Variants in SBNO1 observed in about 807,000 individuals in gnomAD.
SBNO1 encodes strawberry notch homolog 1.
In SBNO1, 23 loss-of-function variants were observed where a neutral mutation model predicts 173.6. That is an observed-to-expected ratio of 0.13 (90% CI 0.10 to 0.19). SBNO1 has a LOEUF of 0.19. Ranked by LOEUF, SBNO1 falls within the 10% of genes least tolerant of loss-of-function variation. The pLI, the probability that SBNO1 is intolerant of heterozygous loss-of-function variation, is 1.00. For synonymous variants in SBNO1, 632 were observed against 571.5 expected, an observed-to-expected ratio of 1.11 and a Z score of -1.51; for missense variants, 1,238 against 1,671.2, an observed-to-expected ratio of 0.74 and a Z score of 4.52.
intron 3 of SBNO1, among the ~76,000 whole-genome samples, chr12:123,346,532 C>T (rs369655603): frequency 1.3e-3 from 195 of 152,150 alleles, no homozygotes; most frequent in African/African-American, 4.2e-3. Flanking sequence ...GGCGTGGTGG[C>T]GGATGCCTAT....
intron 4 of SBNO1, 97 bp from the exon 5 acceptor site, chr12:123,341,185 C>T: frequency 1.5e-6 from 1 of 678,942 alleles, no homozygotes; most frequent in South Asian, 2.0e-5. Context: ...TGCGGTGGCT[C>T]ACACCTGTAA....
At chr12:123,315,945 AG>A (rs1289337310) in intron 21 of SBNO1, among the ~76,000 whole-genome samples, 1 of 152,198 alleles carries the variant, frequency 6.6e-6, no homozygotes, top group Non-Finnish European at 1.5e-5. Flanking sequence ...ATGAAGATGG[AG>A]GGAGGAGCTA....
chr12:123,346,227 G>A (rs890400045), intron 3 of SBNO1, among the ~76,000 whole-genome samples: 3 of 152,116 alleles, frequency 2.0e-5, no homozygotes, highest in East Asian at 1.9e-4. Flanking sequence ...TGGCAAAATA[G>A]CAAGACCCCT....
chr12:123,342,314 G>C (rs1872662637), intron 4 of SBNO1, among the ~76,000 whole-genome samples: 1 of 151,950 alleles, frequency 6.6e-6, no homozygotes, highest in Admixed American at 6.6e-5. Context: ...AGCTGGGCGT[G>C]GTGGCGGGCG....
intron 7 of SBNO1, 99 bp downstream of exon 7, chr12:123,333,954 A>G: frequency 2.8e-6 from 2 of 707,550 alleles, no homozygotes; most frequent in Non-Finnish European, 4.3e-6. Flanking sequence ...TTACATTTAC[A>G]AGGTTTTCAT....
At chr12:123,364,166 C>A in intron 1 of SBNO1, 1 of 985,566 alleles carries the variant, frequency 1.0e-6, no homozygotes, top group Non-Finnish European at 1.2e-6. Context: ...AAGAGCGGGG[C>A]ATGTACGAGA....
In SBNO1 at chr12:123,346,437, G is replaced by A. The variant is rs183429230; in HGVS notation, c.238-867C>T. On this transcript the variant is annotated intron_variant, in intron 3 of 31. Coordinates refer to ENST00000602398, the MANE Select transcript of SBNO1 (RefSeq NM_001167856.3). Reference sequence around the variant, plus strand: ...CCCAGCACTTTGGGAGGCTGAGGCGGGCGGATCACGAGGTCAGGAGATCGA... The same window carrying A: ...CCCAGCACTTTGGGAGGCTGAGGCGAGCGGATCACGAGGTCAGGAGATCGA... Among the ~76,000 whole-genome samples the A allele has an allele frequency of 1.8e-3, 267 of 152,260 alleles. 7 individuals are homozygous for A. Among genetic ancestry groups the A allele is most frequent in the Admixed American group, 0.016 (237 of 15,278 alleles).
At chr12:123,358,196 C>T (rs1231242974) in intron 1 of SBNO1, among the ~76,000 whole-genome samples, 1 of 152,188 alleles carries the variant, frequency 6.6e-6, no homozygotes, top group Non-Finnish European at 1.5e-5. Context: ...TTATACAGTA[C>T]CTTAAAATGT....
Position 123,292,308 on chromosome 12 carries a change from T to C in SBNO1, c.*3600A>G, listed in dbSNP as rs1410161642. 3 of 152,132 alleles carry C rather than the reference T, an allele frequency of 2.0e-5. No individual in the cohort carries two copies. Among genetic ancestry groups the C allele is most frequent in the Admixed American group, 6.5e-5 (1 of 15,272 alleles). The allele number at this position is 152,132 out of a possible 1,614,324, so 9.4% of individuals were successfully genotyped here. A position where few individuals can be genotyped will look rare whatever the true frequency, so the allele number is the denominator to read the frequency against. On this transcript the variant is annotated 3_prime_UTR_variant, in exon 32 of 32. Transcript: ENST00000602398. Reference sequence around the variant, plus strand: ...CTACCAAGTATCACACAGGTACATGTGTATGGGGACCTTCCTCTTGACTGC... The same window carrying C: ...CTACCAAGTATCACACAGGTACATGCGTATGGGGACCTTCCTCTTGACTGC...
chr12:123,351,331 G>C (rs1352007073), intron 1 of SBNO1, among the ~76,000 whole-genome samples: 1 of 152,052 alleles, frequency 6.6e-6, no homozygotes, highest in African/African-American at 2.4e-5. Context: ...TGACACGGCA[G>C]ATTTGTGATT....
intron 22 of SBNO1, 21 bp downstream of exon 22, chr12:123,315,527 C>T (rs753149547): frequency 1.3e-6 from 2 of 1,575,394 alleles, no homozygotes; most frequent in Middle Eastern, 1.7e-4. Flanking sequence ...TTACACACAG[C>T]CACACAACTC....
chr12:123,337,878 TCCTA>T (rs1265258987), intron 5 of SBNO1, among the ~76,000 whole-genome samples: 2 of 152,186 alleles, frequency 1.3e-5, no homozygotes, highest in Non-Finnish European at 2.9e-5. Context: ...TCCTTTATTC[TCCTA>T]CCTATAGTTT....
rs59447456 is a variant in SBNO1, at chr12:123,297,400, C to CAAAAAAAAAAAAAAAAAAAAAAAAA, written c.4039+577_4039+578insTTTTTTTTTTTTTTTTTTTTTTTTT. On this transcript the variant is annotated intron_variant, in intron 31 of 31. Coordinates refer to ENST00000602398, the MANE Select transcript of SBNO1 (RefSeq NM_001167856.3). Reference sequence around the variant, plus strand: ...TACAACATCCCAAAATACTGGTGTCCAAAAAAAAAAAAAAAAAAAAAATTC... The same window carrying CAAAAAAAAAAAAAAAAAAAAAAAAA: ...TACAACATCCCAAAATACTGGTGTCCAAAAAAAAAAAAAAAAAAAAAAAAAAAAAAAAAAAAAAAAAAAAAAATTC... 2.3e-3 allele frequency among the ~76,000 whole-genome samples: 72 copies of CAAAAAAAAAAAAAAAAAAAAAAAAA among 31,502 alleles called. 6 individuals carry two copies. Among genetic ancestry groups the CAAAAAAAAAAAAAAAAAAAAAAAAA allele is most frequent in the Non-Finnish European group, 2.9e-3 (49 of 17,048 alleles). 20.7% of individuals were successfully genotyped at this position (31,502 alleles called of 152,430 possible).
intron 5 of SBNO1, among the ~76,000 whole-genome samples, chr12:123,340,717 T>C (rs1470456987): frequency 1.3e-5 from 2 of 152,036 alleles, no homozygotes; most frequent in Non-Finnish European, 2.9e-5. Context: ...TAACCCCACA[T>C]TGTCTTTTTT....
At chr12:123,363,756 C>T in intron 1 of SBNO1, 1 of 647,540 alleles carries the variant, frequency 1.5e-6, no homozygotes, top group Non-Finnish European at 1.9e-6. Context: ...GTAAACCGAG[C>T]ACGCACATAA....
intron 1 of SBNO1, among the ~76,000 whole-genome samples, chr12:123,362,879 A>G (rs1255323049): frequency 2.0e-5 from 3 of 151,478 alleles, no homozygotes; most frequent in Non-Finnish European, 4.4e-5. Context: ...TGAGGCCAGT[A>G]GCTGCCTCCC....
intron 17 of SBNO1, 54 bp downstream of exon 17, chr12:123,321,481 C>T: frequency 1.5e-6 from 2 of 1,296,604 alleles, no homozygotes; most frequent in Non-Finnish European, 2.2e-6. Flanking sequence ...ATCCCATTTT[C>T]AAATATACTG....
At chr12:123,302,658 GT>G (rs1298218221) in intron 30 of SBNO1, among the ~76,000 whole-genome samples, 165 bp downstream of exon 30, 1 of 152,188 alleles carries the variant, frequency 6.6e-6, no homozygotes, top group Non-Finnish European at 1.5e-5. Flanking sequence ...AAACTAAACA[GT>G]TTCTAGTCTA....
chr12:123,320,342 T>C, intron 19 of SBNO1, 90 bp downstream of exon 19: 1 of 1,219,380 alleles, frequency 8.2e-7, no homozygotes, highest in Non-Finnish European at 1.2e-6. Context: ...CTAAGAAATT[T>C]AGATTATTAT....
Sources: gnomAD v4.1 joint callset for allele counts (sites outside exome capture counted in the v4.1 genomes callset) on GRCh38, gnomAD v4.1.1 for gene constraint, MANE v1.5 for transcripts, NCBI Gene and HGNC (gene_info 2026-07-23, HGNC 2026-07-21) for gene names.